The following MAP3K5 variants were observed in gnomAD, a reference collection of about 807,000 sequenced individuals.
MAP3K5 encodes ASK-1.
Under a neutral mutation model 158.7 loss-of-function variants are expected in MAP3K5, and 56 were observed. The observed-to-expected ratio is 0.35, with a 90% CI of 0.28 to 0.44. The LOEUF is 0.44. Among genes scored for constraint, MAP3K5 ranks in the 20% least tolerant of loss-of-function variants. The probability of loss-of-function intolerance (pLI) is 1.00; values close to 1 mark genes in which losing one functional copy is unlikely to be tolerated. For missense variants in MAP3K5, 1,294 were observed against 1,674.8 expected (o/e 0.77, Z 3.97); for synonymous variants, 579 against 601.7 (o/e 0.96, Z 0.55).
chr6:136,764,061 T>C (rs992966474), intron 1 of MAP3K5, among the ~76,000 whole-genome samples: 1 of 152,176 alleles, frequency 6.6e-6, no homozygotes, highest in Non-Finnish European at 1.5e-5. Flanking sequence ...AAATCCTGTT[T>C]AAGCAACAGA....
At chr6:136,582,962 G>A (rs1302063872) in intron 24 of MAP3K5, among the ~76,000 whole-genome samples, 2 of 152,134 alleles carry the variant, frequency 1.3e-5, no homozygotes. Flanking sequence ...CTCAATTTTG[G>A]AGAGAAGACT....
intron 1 of MAP3K5, among the ~76,000 whole-genome samples, chr6:136,785,035 T>C (rs1784783670): frequency 6.6e-6 from 1 of 152,224 alleles, no homozygotes; most frequent in Non-Finnish European, 1.5e-5. Flanking sequence ...ATTTAGGACA[T>C]ACAGACTTTA....
chr6:136,633,360 T>C (rs1777464960), intron 14 of MAP3K5, among the ~76,000 whole-genome samples: 1 of 151,686 alleles, frequency 6.6e-6, no homozygotes, highest in Admixed American at 6.6e-5. Flanking sequence ...ATCATGCCAC[T>C]GCACTCCAGC....
intron 1 of MAP3K5, among the ~76,000 whole-genome samples, chr6:136,759,099 A>T (rs1306481286): frequency 6.6e-6 from 1 of 152,180 alleles, no homozygotes; most frequent in Non-Finnish European, 1.5e-5. Context: ...TGAACCTGGG[A>T]GGTGAAGGTT....
chr6:136,679,171 C>T (rs1434586386), intron 7 of MAP3K5, among the ~76,000 whole-genome samples: 2 of 152,200 alleles, frequency 1.3e-5, no homozygotes, highest in African/African-American at 4.8e-5. Flanking sequence ...TGCAAACTAG[C>T]TTAAAAGCAG....
At chr6:136,650,100 A>G (rs1778451554) in intron 11 of MAP3K5, among the ~76,000 whole-genome samples, 1 of 152,180 alleles carries the variant, frequency 6.6e-6, no homozygotes, top group African/African-American at 2.4e-5. Context: ...TGGAGGCAGG[A>G]ACTTCACTCA....
At chr6:136,577,819 T>A (rs763325857) in intron 25 of MAP3K5, among the ~76,000 whole-genome samples, 1 of 152,268 alleles carries the variant, frequency 6.6e-6, no homozygotes, top group African/African-American at 2.4e-5. Context: ...AATGATTAAA[T>A]TAACATTGGT....
At chr6:136,679,800 A>T (rs1779855776) in intron 7 of MAP3K5, among the ~76,000 whole-genome samples, 1 of 152,304 alleles carries the variant, frequency 6.6e-6, no homozygotes, top group East Asian at 1.9e-4. Flanking sequence ...TCTTCTGGGT[A>T]TATACTTAAA....
At chr6:136,684,476 T>C (rs6918932) in intron 7 of MAP3K5, among the ~76,000 whole-genome samples, 10,264 of 152,084 alleles carry the variant, frequency 0.067, 1,179 homozygotes, top group African/African-American at 0.23. Context: ...AAAAAGAAAA[T>C]GTGGAGATAA....
Position 136,613,658 on chromosome 6 carries a change from C to T in MAP3K5, c.2279-402G>A, listed in dbSNP as rs983346986. Among the ~76,000 whole-genome samples the T allele has an allele frequency of 1.3e-5, 2 of 152,124 alleles. No individual in the cohort carries two copies. The highest frequency in any genetic ancestry group is 2.9e-5 in the Non-Finnish European group (2 of 67,990). ...CATTCAGTTGTAACTTCTGATTCTG[C>T]GATTATAGGCTAAATCTCTTCCGCA... On this transcript the variant is annotated intron_variant, in intron 16 of 29. Coordinates refer to ENST00000359015, the MANE Select transcript of MAP3K5 (RefSeq NM_005923.4). The surrounding 1 kb of genome is among the most constrained non-coding windows in gnomAD (Gnocchi z 4.0).
intron 14 of MAP3K5, among the ~76,000 whole-genome samples, chr6:136,634,587 CT>C (rs374358975): frequency 6.1e-5 from 9 of 147,444 alleles, no homozygotes; most frequent in South Asian, 2.1e-4. Flanking sequence ...TTTTTCTTTT[CT>C]TTTTTTTTTG....
At chr6:136,558,303 T>C (rs917951723) in intron 29 of MAP3K5, among the ~76,000 whole-genome samples, 3 of 151,058 alleles carry the variant, frequency 2.0e-5, no homozygotes, top group African/African-American at 4.9e-5. Flanking sequence ...GGCGTGAACC[T>C]GGGAGGCGGA....
chr6:136,741,619 A>G (rs1782712441), intron 1 of MAP3K5, among the ~76,000 whole-genome samples: 1 of 152,188 alleles, frequency 6.6e-6, no homozygotes, highest in Non-Finnish European at 1.5e-5. Flanking sequence ...CCTTTTCAAC[A>G]TCATACTGGA....
chr6:136,557,898 G>A, intron 29 of MAP3K5, 80 bp from the exon 30 acceptor site: 1 of 881,100 alleles, frequency 1.1e-6, no homozygotes, highest in Non-Finnish European at 1.9e-6. Flanking sequence ...TGACTTCTTA[G>A]CTTTCATCTG....
intron 19 of MAP3K5, 47 bp from the exon 20 acceptor site, chr6:136,602,026 C>A: frequency 2.7e-6 from 4 of 1,504,410 alleles, no homozygotes; most frequent in South Asian, 1.2e-5. Flanking sequence ...GAGTGAACAT[C>A]TCAGCACCTG....
intron 1 of MAP3K5, among the ~76,000 whole-genome samples, chr6:136,730,122 G>A (rs540785309): frequency 4.0e-5 from 6 of 150,906 alleles, no homozygotes; most frequent in South Asian, 4.2e-4. Context: ...ACAAGTACAC[G>A]CCACCATACC....
At chr6:136,694,368 C>T in intron 6 of MAP3K5, 58 bp from the exon 7 acceptor site, 1 of 1,383,434 alleles carries the variant, frequency 7.2e-7, no homozygotes, top group South Asian at 1.3e-5. Context: ...TAGATCAATT[C>T]TTTTTTAAAA....
intron 21 of MAP3K5, among the ~76,000 whole-genome samples, chr6:136,596,493 G>A (rs1775636970): frequency 6.6e-6 from 1 of 152,006 alleles, no homozygotes; most frequent in Non-Finnish European, 1.5e-5. Flanking sequence ...GTGATGTGGG[G>A]CAAAAAAAGG....
chr6:136,631,861 G>A (rs1179969785), intron 14 of MAP3K5, among the ~76,000 whole-genome samples: 1 of 152,074 alleles, frequency 6.6e-6, no homozygotes, highest in South Asian at 2.1e-4. Context: ...TCCTGCCATG[G>A]GACATTAACA....
Sources: allele counts gnomAD v4.1 joint callset (sites outside exome capture counted in the v4.1 genomes callset), GRCh38; gene constraint gnomAD v4.1.1; non-coding constraint Gnocchi (gnomAD v3.1); transcripts MANE v1.5; gene names NCBI Gene and HGNC (gene_info 2026-07-23, HGNC 2026-07-21).